The following CUBN variants were observed in gnomAD, a reference collection of about 807,000 sequenced individuals.
CUBN encodes cubilin.
Under a neutral mutation model 405.3 loss-of-function variants are expected in CUBN, and 282 were observed. The observed-to-expected ratio is 0.70, with a 90% CI of 0.63 to 0.77. The LOEUF is 0.77. Among genes scored for constraint, CUBN ranks in the 30% least tolerant of loss-of-function variants. CUBN has a pLI of 0.00. For synonymous variants in CUBN, 1,684 were observed against 1,617.0 expected (o/e 1.04, Z -0.99); for missense variants, 4,514 against 4,475.2 (o/e 1.01, Z -0.25).
chr10:17,046,395 T>C (rs983176228), intron 23 of CUBN, among the ~76,000 whole-genome samples: 1 of 152,252 alleles, frequency 6.6e-6, no homozygotes. Flanking sequence ...CTCTGGCAAA[T>C]GTGTCAGAGA....
intron 15 of CUBN, among the ~76,000 whole-genome samples, chr10:17,086,631 T>C (rs1024074133): frequency 6.6e-6 from 1 of 152,180 alleles, no homozygotes; most frequent in South Asian, 2.1e-4. Context: ...ATCATGTCAA[T>C]CTCTCTATAA....
chr10:16,863,780 C>CTTCT (rs71287325), intron 59 of CUBN, among the ~76,000 whole-genome samples: 14,032 of 152,088 alleles, frequency 0.092, 868 homozygotes, highest in Non-Finnish European at 0.14. Context: ...TCTCTGTCTC[C>CTTCT]TTCTTTCTTT....
intron 28 of CUBN, among the ~76,000 whole-genome samples, chr10:17,006,637 C>T (rs1035558164): frequency 3.9e-5 from 6 of 152,244 alleles, no homozygotes; most frequent in African/African-American, 7.2e-5. Context: ...GACCTCATGG[C>T]GGTTTTCTGC....
At chr10:17,116,408 T>A (rs1251342109) in intron 6 of CUBN, among the ~76,000 whole-genome samples, 1 of 152,082 alleles carries the variant, frequency 6.6e-6, no homozygotes, top group African/African-American at 2.4e-5. Context: ...CCTAAGCCTA[T>A]CCCCACATGC....
At chr10:16,954,327 G>A in intron 32 of CUBN, 62 bp downstream of exon 32, 1 of 1,579,762 alleles carries the variant, frequency 6.3e-7, no homozygotes, top group Non-Finnish European at 8.7e-7. Context: ...TCATTTCACT[G>A]TTGCACCAAA....
chr10:17,090,066 C>G (rs1259039291), intron 14 of CUBN, among the ~76,000 whole-genome samples: 4 of 151,994 alleles, frequency 2.6e-5, no homozygotes, highest in Non-Finnish European at 5.9e-5. Flanking sequence ...CTGTGAGACA[C>G]GATCGCACCC....
chr10:17,109,220 C>G (rs1443687200), intron 10 of CUBN, among the ~76,000 whole-genome samples: 3 of 152,128 alleles, frequency 2.0e-5, no homozygotes, highest in Non-Finnish European at 4.4e-5. Flanking sequence ...TTTCTACTTC[C>G]TTCTTTCTGA....
At chr10:16,921,171 C>G (rs1381154023) in intron 43 of CUBN, among the ~76,000 whole-genome samples, 2 of 152,194 alleles carry the variant, frequency 1.3e-5, no homozygotes, top group Non-Finnish European at 1.5e-5. Context: ...GAACTTTACT[C>G]CCTAAGCCCT....
At position 16,915,053 on chromosome 10, in the gene CUBN, G is replaced by T. The variant is rs557208468; in HGVS notation, c.7330C>A (p.Arg2444=). 2 of 1,613,784 alleles carry T rather than the reference G, an allele frequency of 1.2e-6. No homozygotes were observed. The highest frequency in any genetic ancestry group is 2.7e-5 in the African/African-American group (2 of 74,904). ...TCACCTTCCATACTGGATTCAAATCGCAGTCTGAATCCTGAGGCAGTCACA... is the reference window on the plus strand; with the variant it reads ...TCACCTTCCATACTGGATTCAAATCTCAGTCTGAATCCTGAGGCAGTCACA... ...GSVTASGFRL[R]FESSMEECGG... is the part of the protein sequence containing the mutation. The change falls in exon 47 of 67, where the codon CGA becomes AGA. Residue 2444 remains arginine (R), a synonymous_variant. Transcript: ENST00000377833.
chr10:17,032,215 TG>T (rs908339569), intron 27 of CUBN, among the ~76,000 whole-genome samples: 8 of 152,200 alleles, frequency 5.3e-5, no homozygotes, highest in Non-Finnish European at 8.8e-5. Flanking sequence ...AGGCAGGAGC[TG>T]GGCTCTCTCC....
chr10:17,017,956 A>T (rs1834381812), intron 28 of CUBN, among the ~76,000 whole-genome samples: 1 of 151,844 alleles, frequency 6.6e-6, no homozygotes, highest in Non-Finnish European at 1.5e-5. Context: ...TGAGAGTTTT[A>T]CTCATGGCTG....
chr10:16,922,383 G>C (rs748101385), intron 43 of CUBN, among the ~76,000 whole-genome samples: 1 of 152,078 alleles, frequency 6.6e-6, no homozygotes, highest in Non-Finnish European at 1.5e-5. Context: ...CCTTAGTTCA[G>C]GGAGTAAATT....
At position 16,950,795 on chromosome 10, in the gene CUBN, G is replaced by A. The variant is rs113031299; in HGVS notation, c.4970-684C>T. The stretch of plus-strand genomic sequence containing the variant: ...AGGGAATATCTTGTTGGAAAATGCC[G>A]TCTTTCCAGTTTTTATATCACCATT... On this transcript the variant is annotated intron_variant, in intron 33 of 66. Transcript: ENST00000377833. 2.4e-4 allele frequency among the ~76,000 whole-genome samples: 36 copies of A among 152,302 alleles called. No homozygotes were observed. The South Asian group carries it at 3.7e-3, about 16-fold the overall frequency.
chr10:17,014,365 C>T (rs1020365816), intron 28 of CUBN, among the ~76,000 whole-genome samples: 1 of 152,198 alleles, frequency 6.6e-6, no homozygotes, highest in South Asian at 2.1e-4. Flanking sequence ...CTGTTTCTGC[C>T]CCTGGTTCCC....
intron 58 of CUBN, among the ~76,000 whole-genome samples, chr10:16,874,099 A>G (rs1840434193): frequency 6.6e-6 from 1 of 152,172 alleles, no homozygotes; most frequent in Admixed American, 6.5e-5. Context: ...TACCTTGACA[A>G]TCCATGTTAT....
intron 27 of CUBN, among the ~76,000 whole-genome samples, chr10:17,025,339 G>A (rs1834630128): frequency 6.6e-6 from 1 of 152,202 alleles, no homozygotes; most frequent in Admixed American, 6.5e-5. Context: ...ATTGTAGAAT[G>A]TACTTGACTA....
intron 28 of CUBN, among the ~76,000 whole-genome samples, chr10:17,006,929 C>T (rs771728408): frequency 3.3e-5 from 5 of 152,204 alleles, no homozygotes; most frequent in Non-Finnish European, 7.3e-5. Context: ...TCCTGGGTGA[C>T]ATCACCTCCT....
At chr10:16,923,055 C>T (rs1842083280) in intron 43 of CUBN, among the ~76,000 whole-genome samples, 1 of 151,968 alleles carries the variant, frequency 6.6e-6, no homozygotes, top group Non-Finnish European at 1.5e-5. Flanking sequence ...CCAGGTTGGT[C>T]TCAAACTCCT....
chr10:16,892,836 A>G (rs892489937), intron 54 of CUBN, among the ~76,000 whole-genome samples: 13 of 152,196 alleles, frequency 8.5e-5, no homozygotes, highest in African/African-American at 3.1e-4. Flanking sequence ...AGGCAAAGTA[A>G]GAAGGGCTAA....
Sources: gnomAD v4.1 joint callset for allele counts (sites outside exome capture counted in the v4.1 genomes callset) on GRCh38, gnomAD v4.1.1 for gene constraint, MANE v1.5 for transcripts, NCBI Gene and HGNC (gene_info 2026-07-23, HGNC 2026-07-21) for gene names.